ASNS: variants seen among roughly 807,000 people sequenced by gnomAD.
The protein encoded by ASNS is asparagine synthetase (glutamine-hydrolyzing).
ASNS carries 37 observed loss-of-function variants against 62.6 expected under a neutral mutation model. That is an observed-to-expected ratio of 0.59 (90% confidence interval 0.45 to 0.78). ASNS has a LOEUF of 0.78. Ranked by LOEUF, ASNS falls within the 30% of genes least tolerant of loss-of-function variation. The probability of loss-of-function intolerance (pLI) is 0.00; values close to 1 mark genes in which losing one functional copy is unlikely to be tolerated. For synonymous variants in ASNS, 207 were observed against 237.9 expected (o/e 0.87, Z 1.19); for missense variants, 520 against 682.4 (o/e 0.76, Z 2.65).
the ASNS span, among the ~76,000 whole-genome samples, chr7:97,880,278 C>T: frequency 6.6e-6 from 1 of 152,158 alleles, no homozygotes; most frequent in East Asian, 1.9e-4. Context: ...GTGTGCATCA[C>T]CACACCTAGC....
chr7:97,906,021 C>T, the ASNS span, among the ~76,000 whole-genome samples: 2 of 152,088 alleles, frequency 1.3e-5, no homozygotes, highest in African/African-American at 2.4e-5. Context: ...AAGTAACTGC[C>T]GATTTTGCCA....
the ASNS span, among the ~76,000 whole-genome samples, chr7:97,910,437 G>C: frequency 6.6e-6 from 1 of 152,118 alleles, no homozygotes; most frequent in Non-Finnish European, 1.5e-5. Context: ...AACCTGCAAG[G>C]GAAGCATTCA....
upstream of ASNS, among the ~76,000 whole-genome samples, chr7:97,875,930 C>T (rs1464625398): frequency 4.0e-5 from 6 of 151,378 alleles, no homozygotes; most frequent in African/African-American, 7.3e-5. Flanking sequence ...GATCATGGAT[C>T]GCTGCAACTT....
chr7:97,875,298 GTC>G (rs1459992093), upstream of ASNS, among the ~76,000 whole-genome samples: 17 of 152,176 alleles, frequency 1.1e-4, no homozygotes, highest in African/African-American at 4.1e-4. Flanking sequence ...TGCCACCACT[GTC>G]TGGCTAATTT....
At chr7:97,914,052 G>C in the ASNS span, among the ~76,000 whole-genome samples, 6 of 141,652 alleles carry the variant, frequency 4.2e-5, no homozygotes, top group Non-Finnish European at 9.2e-5. Flanking sequence ...TGGTGGGTGG[G>C]TAGGTGGATG....
the ASNS span, among the ~76,000 whole-genome samples, chr7:97,896,548 G>T: frequency 8.5e-5 from 12 of 141,650 alleles, no homozygotes; most frequent in South Asian, 2.3e-4. Context: ...AGTGAGCAGA[G>T]ATCACGCCAC....
At chr7:97,914,140 A>G in the ASNS span, among the ~76,000 whole-genome samples, 1 of 118,982 alleles carries the variant, frequency 8.4e-6, no homozygotes, top group Non-Finnish European at 1.7e-5. Context: ...AGGTGGGTGG[A>G]TGGATGGATG....
the ASNS span, among the ~76,000 whole-genome samples, chr7:97,907,577 G>A: frequency 0.47 from 71,546 of 151,880 alleles, 18,854 homozygotes; most frequent in Admixed American, 0.61. Context: ...GACCATCCTG[G>A]CTAACACGGT....
chr7:97,898,992 A>G, the ASNS span: 4 of 735,862 alleles, frequency 5.4e-6, no homozygotes, highest in Non-Finnish European at 9.9e-6. Flanking sequence ...TCTTTCCAAT[A>G]TTTCTTATAT....
the ASNS span, among the ~76,000 whole-genome samples, chr7:97,896,735 CACACACATATATAT>C: frequency 1.2e-4 from 3 of 24,938 alleles, no homozygotes; most frequent in South Asian, 1.8e-3. Flanking sequence ...CACACACACA[CACACACATATATAT>C]ATATATATAT....
the ASNS span, among the ~76,000 whole-genome samples, chr7:97,927,071 C>CTTTT: frequency 1.4e-3 from 58 of 40,522 alleles, 9 homozygotes; most frequent in East Asian, 4.2e-3. Flanking sequence ...CCACACCTGG[C>CTTTT]TTTTTTTTTT....
the ASNS span, chr7:97,899,092 A>T: frequency 3.9e-6 from 2 of 509,020 alleles, no homozygotes; most frequent in East Asian, 3.4e-5. Flanking sequence ...GCCACCTTTC[A>T]TAAGGCACTT....
chr7:97,928,071 G>C, the ASNS span: 4 of 1,385,088 alleles, frequency 2.9e-6, no homozygotes, highest in East Asian at 6.1e-5. Context: ...CCCCGCGCCC[G>C]CGTCACTTAC....
chr7:97,873,400 C>T (rs1416478813), upstream of ASNS, among the ~76,000 whole-genome samples: 1 of 152,190 alleles, frequency 6.6e-6, no homozygotes, highest in Non-Finnish European at 1.5e-5. Context: ...CCCCATACAA[C>T]GCATTCCTGA....
intron 4 of ASNS, chr7:97,863,976 C>A (rs1191228343): frequency 6.5e-6 from 2 of 309,664 alleles, no homozygotes; most frequent in Non-Finnish European, 1.2e-5. Context: ...TATAGTATGA[C>A]ACAGGAAAAC....
chr7:97,925,265 A>G, the ASNS span, among the ~76,000 whole-genome samples: 3 of 152,178 alleles, frequency 2.0e-5, no homozygotes, highest in Admixed American at 6.5e-5. Flanking sequence ...AGATGAGAAA[A>G]CTGAGGTCCC....
At chr7:97,899,203 A>G in the ASNS span, 4 of 235,196 alleles carry the variant, frequency 1.7e-5, no homozygotes, top group African/African-American at 9.2e-5. Context: ...GCTGCTCTTA[A>G]ACTCCTGATG....
chr7:97,907,369 T>G, the ASNS span, among the ~76,000 whole-genome samples: 1 of 152,230 alleles, frequency 6.6e-6, no homozygotes, highest in Non-Finnish European at 1.5e-5. Context: ...AAGTCTTCTT[T>G]GAGTGTGAAA....
the ASNS span, among the ~76,000 whole-genome samples, chr7:97,910,301 G>A: frequency 6.6e-6 from 1 of 152,122 alleles, no homozygotes; most frequent in Admixed American, 6.5e-5. Context: ...TGTTCCTAAG[G>A]GTTGTAGAAA....
Sources: gnomAD v4.1 joint callset for allele counts (sites outside exome capture counted in the v4.1 genomes callset) on GRCh38, gnomAD v4.1.1 for gene constraint, MANE v1.5 for transcripts, NCBI Gene and HGNC (gene_info 2026-07-23, HGNC 2026-07-21) for gene names.